The following PCDHA3 variants were observed in gnomAD, a reference collection of about 807,000 sequenced individuals.
PCDHA3 encodes the protein protocadherin alpha-3.
Under a neutral mutation model 62.2 loss-of-function variants are expected in PCDHA3, and 41 were observed. That is an observed-to-expected ratio of 0.66 (90% CI 0.51 to 0.86). The LOEUF is 0.86. PCDHA3 is among the 40% of genes least tolerant of loss of function. The probability of loss-of-function intolerance (pLI) is 0.00; values close to 1 mark genes in which losing one functional copy is unlikely to be tolerated. For missense variants in PCDHA3, 1,304 were observed against 1,241.2 expected, an observed-to-expected ratio of 1.05 and a Z score of -0.76; for synonymous variants, 640 against 555.4, an observed-to-expected ratio of 1.15 and a Z score of -2.14.
chr5:140,875,696 T>C (rs2055720575), intron 1 of PCDHA3: 1 of 1,613,958 alleles, frequency 6.2e-7, no homozygotes, highest in Non-Finnish European at 8.5e-7. Flanking sequence ...GGGGACCTTC[T>C]GGAGGTAAAT....
intron 1 of PCDHA3, chr5:140,854,477 T>C (rs1479298342): frequency 1.3e-5 from 2 of 149,980 alleles, no homozygotes; most frequent in African/African-American, 2.4e-5. Flanking sequence ...TAGAGAAGTA[T>C]AGAAACAGAA....
intron 1 of PCDHA3, among the ~76,000 whole-genome samples, chr5:140,939,948 A>C (rs2153644220): frequency 6.6e-6 from 1 of 152,296 alleles, no homozygotes; most frequent in Admixed American, 6.5e-5. Context: ...TACTGAGAAA[A>C]TTATGTTAAA....
intron 1 of PCDHA3, chr5:140,828,820 A>T (rs192366589): frequency 6.2e-7 from 1 of 1,614,208 alleles, no homozygotes; most frequent in Admixed American, 1.7e-5. Context: ...CCACTTTCGA[A>T]CAGTCTGAAT....
chr5:140,860,946 C>A (rs1196605227), intron 1 of PCDHA3: 8 of 152,212 alleles, frequency 5.3e-5, no homozygotes, highest in African/African-American at 1.9e-4. Context: ...ACCGTGTTAG[C>A]CAGGATGGTC....
chr5:141,004,768 A>G (rs2098180289), intron 3 of PCDHA3, among the ~76,000 whole-genome samples: 1 of 152,160 alleles, frequency 6.6e-6, no homozygotes, highest in Non-Finnish European at 1.5e-5. Flanking sequence ...CAGGACCTGT[A>G]TTTTAAAGGT....
intron 1 of PCDHA3, chr5:140,967,630 C>T (rs1278035224): frequency 3.7e-6 from 6 of 1,613,982 alleles, no homozygotes; most frequent in Non-Finnish European, 5.1e-6. Context: ...ATGAGGGCTC[C>T]AATGGTGAGC....
chr5:140,860,307 G>A (rs181918299), intron 1 of PCDHA3: 3 of 152,082 alleles, frequency 2.0e-5, no homozygotes, highest in Admixed American at 2.0e-4. Flanking sequence ...CTTGAGCCTG[G>A]GAAGTTGAGG....
chr5:140,868,999 T>A (rs976594778), intron 1 of PCDHA3: 72 of 1,518,578 alleles, frequency 4.7e-5, no homozygotes, highest in African/African-American at 4.5e-4. Flanking sequence ...CGTTTAAGGA[T>A]CCTTTGAAAC....
intron 1 of PCDHA3, among the ~76,000 whole-genome samples, chr5:140,906,929 C>T (rs1488297059): frequency 3.9e-5 from 6 of 152,122 alleles, no homozygotes; most frequent in African/African-American, 9.7e-5. Flanking sequence ...AAAAGTGTCC[C>T]GGTGTCAATC....
chr5:140,977,442 T>C (rs746141638), intron 1 of PCDHA3, among the ~76,000 whole-genome samples: 1 of 152,186 alleles, frequency 6.6e-6, no homozygotes. Flanking sequence ...TAGTAGATAA[T>C]GGAAACTCCT....
In PCDHA3 at chr5:140,888,611, G is replaced by C. The variant is rs1554183538; in HGVS notation, c.2394+85020G>C. Reference sequence around the variant, plus strand: ...CACATTCAGAGCAGCTTTTAGTGTAGCACTAATTCGGCCTTCTATTACAGC... The same window carrying C: ...CACATTCAGAGCAGCTTTTAGTGTACCACTAATTCGGCCTTCTATTACAGC... On this transcript the variant is annotated intron_variant, in intron 1 of 3. Transcript: ENST00000522353. Among the ~76,000 whole-genome samples the C allele has an allele frequency of 2.0e-5, 3 of 152,144 alleles. No homozygotes were observed. In the East Asian group the frequency reaches 5.8e-4, roughly 29 times the overall value.
At chr5:140,810,319 T>C (rs1233053546) in intron 1 of PCDHA3, 1 of 152,250 alleles carries the variant, frequency 6.6e-6, no homozygotes, top group South Asian at 2.1e-4. Context: ...TTGATGCCCA[T>C]GTACACAGAT....
intron 1 of PCDHA3, chr5:140,966,750 C>T: frequency 7.0e-7 from 1 of 1,428,438 alleles, no homozygotes; most frequent in African/African-American, 1.5e-5. Context: ...CGGCTGCCTC[C>T]GCCGCGGCCA....
chr5:140,835,485 G>C (rs371322976), intron 1 of PCDHA3: 7 of 1,613,778 alleles, frequency 4.3e-6, no homozygotes, highest in Non-Finnish European at 5.9e-6. Flanking sequence ...ACCAGGTACC[G>C]TCATCACATT....
At chr5:140,890,829 T>A (rs1477608523) in intron 1 of PCDHA3, among the ~76,000 whole-genome samples, 1 of 152,226 alleles carries the variant, frequency 6.6e-6, no homozygotes, top group Non-Finnish European at 1.5e-5. Context: ...TGTACTTACA[T>A]ATTTACCAGT....
At chr5:140,803,890 G>A (rs1011549808) in intron 1 of PCDHA3, 6 of 533,876 alleles carry the variant, frequency 1.1e-5, no homozygotes, top group South Asian at 2.4e-5. Flanking sequence ...TAGATGAATT[G>A]CATTATTTAG....
At chr5:140,967,727 G>C in intron 1 of PCDHA3, 2 of 1,614,148 alleles carry the variant, frequency 1.2e-6, no homozygotes, top group Non-Finnish European at 1.7e-6. Flanking sequence ...GCGAGTAATT[G>C]GGGGGCTGGA....
chr5:140,826,843 G>A (rs1033501047), intron 1 of PCDHA3, among the ~76,000 whole-genome samples: 2 of 152,078 alleles, frequency 1.3e-5, no homozygotes, highest in African/African-American at 2.4e-5. Context: ...TTTCTCAAGT[G>A]TCTTGCAATT....
intron 1 of PCDHA3, among the ~76,000 whole-genome samples, chr5:140,838,628 T>G (rs1364400587): frequency 2.0e-5 from 3 of 151,994 alleles, no homozygotes; most frequent in African/African-American, 7.3e-5. Flanking sequence ...TTACAAATAA[T>G]TTGGTTGGTC....
Sources: allele counts gnomAD v4.1 joint callset (sites outside exome capture counted in the v4.1 genomes callset), GRCh38; gene constraint gnomAD v4.1.1; transcripts MANE v1.5; gene names NCBI Gene and HGNC (gene_info 2026-07-23, HGNC 2026-07-21).